Variants in MRC1 observed in about 807,000 individuals in gnomAD.
MRC1 encodes mannose receptor C-type 1.
Under a neutral mutation model 102.9 loss-of-function variants are expected in MRC1, and 62 were observed. The ratio of observed to expected loss-of-function variants is 0.60; its 90% CI spans 0.49 to 0.74. MRC1 has a LOEUF of 0.74. Ranked by LOEUF, MRC1 falls within the 30% of genes least tolerant of loss-of-function variation. MRC1 has a pLI of 0.00. For synonymous variants in MRC1, 457 were observed against 298.4 expected, an observed-to-expected ratio of 1.53 and a Z score of -5.48; for missense variants, 1,237 against 862.8, an observed-to-expected ratio of 1.43 and a Z score of -5.43.
chr10:17,863,769 T>C, intron 11 of MRC1, 87 bp downstream of exon 11: 3 of 712,018 alleles, frequency 4.2e-6, no homozygotes, highest in Non-Finnish European at 7.7e-6. Context: ...TCTCTGCAAA[T>C]AGACTAGGTA....
At chr10:17,855,326 C>T (rs1489125574) in intron 8 of MRC1, among the ~76,000 whole-genome samples, 2 of 152,050 alleles carry the variant, frequency 1.3e-5, no homozygotes, top group South Asian at 2.1e-4. Flanking sequence ...GATCCCAGCA[C>T]TTTGGGAGGC....
chr10:17,865,003 T>C (rs1018913742), intron 11 of MRC1, among the ~76,000 whole-genome samples: 1 of 152,202 alleles, frequency 6.6e-6, no homozygotes, highest in East Asian at 1.9e-4. Context: ...CCTAGTAAGA[T>C]GTTGTAAGTT....
intron 1 of MRC1, 123 bp from the exon 2 acceptor site, chr10:17,822,951 C>T (rs1589164928): frequency 2.9e-6 from 2 of 692,050 alleles, no homozygotes; most frequent in Non-Finnish European, 5.3e-6. Context: ...TTCCTGCAAT[C>T]TTAAGTCTTT....
At chr10:17,862,352 C>T (rs1239194260) in intron 10 of MRC1, among the ~76,000 whole-genome samples, 2 of 152,130 alleles carry the variant, frequency 1.3e-5, no homozygotes, top group Admixed American at 6.5e-5. Flanking sequence ...CACCCTAATA[C>T]AATGCTAACA....
At chr10:17,821,862 C>T (rs970341933) in intron 1 of MRC1, among the ~76,000 whole-genome samples, 4 of 152,276 alleles carry the variant, frequency 2.6e-5, no homozygotes, top group African/African-American at 7.2e-5. Flanking sequence ...CAAACATCTG[C>T]ACTACTACCA....
intron 21 of MRC1, among the ~76,000 whole-genome samples, chr10:17,884,905 C>A (rs934425999): frequency 6.6e-6 from 1 of 152,172 alleles, no homozygotes; most frequent in East Asian, 1.9e-4. Flanking sequence ...TTTACAGAAT[C>A]GGGACAGCTG....
At chr10:17,860,549 G>C (rs554569837) in intron 9 of MRC1, among the ~76,000 whole-genome samples, 1 of 152,116 alleles carries the variant, frequency 6.6e-6, no homozygotes, top group Non-Finnish European at 1.5e-5. Context: ...AAGTGCTGGC[G>C]TTACAGGCAT....
chr10:17,812,134 T>C (rs1479756975), intron 1 of MRC1, among the ~76,000 whole-genome samples: 1 of 152,122 alleles, frequency 6.6e-6, no homozygotes, highest in African/African-American at 2.4e-5. Flanking sequence ...GCACCATAAG[T>C]CTCTGTGGGC....
At chr10:17,810,866 C>T (rs1201884367) in intron 1 of MRC1, among the ~76,000 whole-genome samples, 1 of 152,216 alleles carries the variant, frequency 6.6e-6, no homozygotes, top group Non-Finnish European at 1.5e-5. Flanking sequence ...GATCTTGGCT[C>T]ACTGCAACCT....
intron 11 of MRC1, among the ~76,000 whole-genome samples, chr10:17,864,477 T>C (rs1833232182): frequency 6.6e-6 from 1 of 152,208 alleles, no homozygotes; most frequent in African/African-American, 2.4e-5. Context: ...TTTATTTGCC[T>C]TGGATTTTAT....
rs910657767 is a variant in MRC1, at chr10:17,883,837, G to A, written c.2981-1432G>A. ...TGGGAGGCCTGGAGGTACGCTGAGG[G>A]AAGGGGAGGGGCACATGTACAATTC... is the stretch of plus-strand genomic sequence containing the variant. On this transcript the variant is annotated intron_variant, in intron 21 of 29. Transcript: ENST00000569591. Among the ~76,000 whole-genome samples, 12 of 152,336 alleles carry A rather than the reference G, an allele frequency of 7.9e-5. No individual in the cohort carries two copies. The East Asian group carries it at 1.9e-3, about 25-fold the overall frequency.
intron 21 of MRC1, 122 bp downstream of exon 21, chr10:17,881,303 A>G (rs1833513024): frequency 1.0e-5 from 7 of 701,024 alleles, no homozygotes; most frequent in African/African-American, 7.2e-5. Context: ...AAAAAAGTGG[A>G]AAAAATCAAA....
intron 22 of MRC1, 28 bp from the exon 23 acceptor site, chr10:17,894,182 T>A: frequency 2.3e-6 from 2 of 870,148 alleles, no homozygotes; most frequent in Non-Finnish European, 4.0e-6. Context: ...CATGATTGTT[T>A]TCTTTTTCTT....
chr10:17,877,617 T>G (rs1444024129), intron 17 of MRC1, among the ~76,000 whole-genome samples: 5 of 152,042 alleles, frequency 3.3e-5, no homozygotes, highest in Non-Finnish European at 7.4e-5. Context: ...ATGCCTACAG[T>G]AGTTACATTG....
intron 22 of MRC1, among the ~76,000 whole-genome samples, chr10:17,889,274 A>G (rs1348851173): frequency 2.0e-5 from 3 of 151,852 alleles, no homozygotes; most frequent in Admixed American, 6.6e-5. Context: ...CATCTATCAT[A>G]TTTGCTATTG....
rs1019650262 is a variant in MRC1 at position 17,910,179 on chromosome 10, C to G, written c.4121-36C>G. 9.0e-6 allele frequency: 7 copies of G among 780,092 alleles called. No homozygotes were observed. The African/African-American group carries it at 1.0e-4, about 11-fold the overall frequency. The allele number at this position is 780,092 out of a possible 1,614,324, so 48.3% of individuals were successfully genotyped here. ...GCATAGCATGCAACCCTCTGCCTCC[C>G]TCCACGTTTTCCATAATGATTTTAT... On this transcript the variant is annotated intron_variant, in intron 29 of 29. Coordinates refer to ENST00000569591, the MANE Select transcript of MRC1 (RefSeq NM_002438.4).
At chr10:17,897,677 A>G (rs1168655775) in intron 23 of MRC1, among the ~76,000 whole-genome samples, 4 of 152,218 alleles carry the variant, frequency 2.6e-5, no homozygotes, top group East Asian at 1.9e-4. Context: ...AAGATTAGCA[A>G]TGACACAATC....
intron 21 of MRC1, 133 bp downstream of exon 21, chr10:17,881,314 T>G (rs892230838): frequency 2.5e-5 from 17 of 680,054 alleles, no homozygotes; most frequent in Non-Finnish European, 4.3e-5. Flanking sequence ...AAAAATCAAA[T>G]GCTTATTGAA....
intron 5 of MRC1, among the ~76,000 whole-genome samples, chr10:17,843,889 A>G (rs1160531953): frequency 2.0e-5 from 3 of 152,286 alleles, no homozygotes; most frequent in South Asian, 4.1e-4. Flanking sequence ...TTACATACAC[A>G]TTGGAGGTCA....
Sources: allele counts gnomAD v4.1 joint callset (sites outside exome capture counted in the v4.1 genomes callset), GRCh38; gene constraint gnomAD v4.1.1; transcripts MANE v1.5; gene names NCBI Gene and HGNC (gene_info 2026-07-23, HGNC 2026-07-21).